The following RBM27 variants were observed in gnomAD, a reference collection of about 807,000 sequenced individuals.
RBM27 encodes RNA-binding protein 27.
Under a neutral mutation model 135.3 loss-of-function variants are expected in RBM27, and 22 were observed. The ratio of observed to expected loss-of-function variants is 0.16; its 90% CI spans 0.12 to 0.23. The LOEUF (loss-of-function observed/expected upper bound fraction) is 0.23, where lower values mean the gene tolerates loss of function less well. RBM27 is among the 10% of genes least tolerant of loss of function. RBM27 has a pLI of 1.00. For synonymous variants in RBM27, 481 were observed against 442.4 expected (o/e 1.09, Z -1.10); for missense variants, 1,009 against 1,281.0 (o/e 0.79, Z 3.24).
chr5:146,260,083 G>A (rs112506943), intron 11 of RBM27, among the ~76,000 whole-genome samples: 4,992 of 149,358 alleles, frequency 0.033, 241 homozygotes, highest in African/African-American at 0.11. Context: ...GTAGATCACC[G>A]ACGCCAGGAG....
intron 2 of RBM27, 45 bp downstream of exon 2, chr5:146,219,148 A>G: frequency 7.2e-7 from 1 of 1,395,212 alleles, no homozygotes; most frequent in Non-Finnish European, 1.0e-6. Flanking sequence ...TAAAGATTTT[A>G]AGTTTAAAAC....
chr5:146,259,965 G>A (rs1180228504), intron 11 of RBM27, among the ~76,000 whole-genome samples: 7 of 109,504 alleles, frequency 6.4e-5, no homozygotes, highest in African/African-American at 2.6e-4. Context: ...GGGCGACAGA[G>A]CGAGACTCCG....
At chr5:146,275,680 G>T (rs1759065957) in intron 19 of RBM27, among the ~76,000 whole-genome samples, 1 of 152,120 alleles carries the variant, frequency 6.6e-6, no homozygotes, top group African/African-American at 2.4e-5. Context: ...TATAATTAAA[G>T]TTTAATTCAG....
intron 14 of RBM27, among the ~76,000 whole-genome samples, chr5:146,266,747 G>A (rs556270753): frequency 6.6e-6 from 1 of 152,120 alleles, no homozygotes; most frequent in South Asian, 2.1e-4. Flanking sequence ...ACCAGCCTAG[G>A]CAACATAGAG....
At chr5:146,267,603 A>G (rs1322871302) in intron 14 of RBM27, 46 bp from the exon 15 acceptor site, 5 of 1,217,426 alleles carry the variant, frequency 4.1e-6, no homozygotes, top group Non-Finnish European at 5.9e-6. Flanking sequence ...CATTTCTAAG[A>G]TATAATTATA....
At chr5:146,224,480 G>A (rs985980026) in intron 3 of RBM27, among the ~76,000 whole-genome samples, 2 of 152,090 alleles carry the variant, frequency 1.3e-5, no homozygotes. Flanking sequence ...TCAGAAGTTT[G>A]AGATCAGCCT....
intron 6 of RBM27, among the ~76,000 whole-genome samples, chr5:146,232,847 G>A (rs1028144652): frequency 5.3e-5 from 8 of 152,310 alleles, no homozygotes; most frequent in Non-Finnish European, 7.4e-5. Flanking sequence ...TATTACAGGC[G>A]TGAGCGACTG....
chr5:146,217,471 T>C (rs987051975), intron 1 of RBM27, among the ~76,000 whole-genome samples: 46 of 132,008 alleles, frequency 3.5e-4, no homozygotes, highest in Non-Finnish European at 6.3e-4. Flanking sequence ...CCTGTTTTTT[T>C]TTTTTTTTTT....
chr5:146,208,825 T>G (rs1755818557), intron 1 of RBM27, among the ~76,000 whole-genome samples: 1 of 152,234 alleles, frequency 6.6e-6, no homozygotes, highest in Non-Finnish European at 1.5e-5. Context: ...ATGTTGTATT[T>G]AATGGGGAAT....
chr5:146,237,273 T>A, intron 7 of RBM27, 25 bp from the exon 8 acceptor site: 1 of 1,613,702 alleles, frequency 6.2e-7, no homozygotes. Context: ...TGCTGTACTT[T>A]TCACTTTTTG....
intron 10 of RBM27, among the ~76,000 whole-genome samples, chr5:146,255,888 G>T (rs1758079618): frequency 6.7e-6 from 1 of 149,634 alleles, no homozygotes; most frequent in Non-Finnish European, 1.5e-5. Context: ...TGGAGTCTGG[G>T]TCTGTTGCCC....
rs906030448 is a variant in RBM27, at chr5:146,214,892, C to T, written c.60-4093C>T. ...AATGTTTAGAATCTGTGATCATTCT[C>T]TTCTCCTGGAGTCTAACCTTTTCTA... On this transcript the variant is annotated intron_variant, in intron 1 of 20. Transcript: ENST00000265271. 1.7e-4 allele frequency among the ~76,000 whole-genome samples: 26 copies of T among 152,304 alleles called. 2 individuals carry two copies. In the South Asian group the frequency reaches 5.0e-3, roughly 29 times the overall value.
At chr5:146,221,858 A>G (rs1482100970) in intron 2 of RBM27, among the ~76,000 whole-genome samples, 1 of 151,738 alleles carries the variant, frequency 6.6e-6, no homozygotes, top group Non-Finnish European at 1.5e-5. Flanking sequence ...TTGCATCTTA[A>G]AATAGTATTA....
intron 19 of RBM27, among the ~76,000 whole-genome samples, chr5:146,277,181 A>G (rs17502157): frequency 0.21 from 31,899 of 152,188 alleles, 4,259 homozygotes; most frequent in Admixed American, 0.33. Context: ...AGAACATTCA[A>G]ACAATACAAA....
In RBM27 at chr5:146,237,284, T is replaced by C. The variant is rs201780444; in HGVS notation, c.1145-14T>C. The C allele has an allele frequency of 8.9e-4, 1,437 of 1,613,798 alleles. 1 individual carries two copies. The highest frequency in any genetic ancestry group is 1.2e-3 in the Non-Finnish European group (1,357 of 1,179,838). On this transcript the variant is annotated splice_polypyrimidine_tract_variant and intron_variant, in intron 7 of 20. Coordinates refer to ENST00000265271, the MANE Select transcript of RBM27 (RefSeq NM_018989.2). ...TTAATGCTGTACTTTTCACTTTTTG[T>C]TGTCTGTATGTAGGACCACCTATAA...
chr5:146,205,765 A>G (rs1182827057), intron 1 of RBM27, among the ~76,000 whole-genome samples: 1 of 152,184 alleles, frequency 6.6e-6, no homozygotes, highest in Non-Finnish European at 1.5e-5. Context: ...TCACGCCTGT[A>G]ATCCCGACAC....
At chr5:146,239,741 G>A (rs952517710) in intron 8 of RBM27, among the ~76,000 whole-genome samples, 5 of 149,946 alleles carry the variant, frequency 3.3e-5, no homozygotes, top group African/African-American at 4.9e-5. Context: ...CTTGCAAAGC[G>A]CTGGGATTAC....
intron 11 of RBM27, among the ~76,000 whole-genome samples, chr5:146,259,597 C>G (rs1458810036): frequency 6.7e-6 from 1 of 149,846 alleles, no homozygotes; most frequent in Non-Finnish European, 1.5e-5. Context: ...TATGGTAGAT[C>G]TATTTAGCAT....
intron 8 of RBM27, among the ~76,000 whole-genome samples, chr5:146,239,467 C>CTTTTTTTTTTTTTTTT (rs368919868): frequency 7.6e-6 from 1 of 130,814 alleles, no homozygotes; most frequent in African/African-American, 3.0e-5. Flanking sequence ...TTTTTTTTTC[C>CTTTTTTTTTTTTTTTT]TTTTCTTTTT....
Sources: allele counts gnomAD v4.1 joint callset (sites outside exome capture counted in the v4.1 genomes callset), GRCh38; gene constraint gnomAD v4.1.1; transcripts MANE v1.5; gene names NCBI Gene and HGNC (gene_info 2026-07-23, HGNC 2026-07-21).